Variants in WDR62 observed in about 807,000 individuals in gnomAD.
The protein encoded by WDR62 is WD repeat-containing protein 62.
In WDR62, 112 loss-of-function variants were observed where a neutral mutation model predicts 160.6. That is an observed-to-expected ratio of 0.70 (90% CI 0.60 to 0.82). The LOEUF (loss-of-function observed/expected upper bound fraction) is 0.82, where lower values mean the gene tolerates loss of function less well. Among genes scored for constraint, WDR62 ranks in the 40% least tolerant of loss-of-function variants. The pLI is 0.00. For synonymous variants in WDR62, 792 were observed against 815.1 expected (o/e 0.97, Z 0.48); for missense variants, 1,819 against 1,983.8 (o/e 0.92, Z 1.58).
chr19:36,083,091 A>T lies in WDR62; in HGVS notation c.1400A>T (p.Asn467Ile). 6.2e-7 allele frequency: 1 copy of T among 1,613,388 alleles called. No homozygotes were observed. Among genetic ancestry groups the T allele is most frequent in the Non-Finnish European group, 8.5e-7 (1 of 1,179,702 alleles). Residue 467 changes from asparagine to isoleucine, a missense_variant, in exon 11 of 32, where the codon AAT becomes ATT. By Grantham distance (149) the Asn-to-Ile change is moderately radical (BLOSUM62 -3). Coordinates refer to ENST00000401500, the MANE Select transcript of WDR62 (RefSeq NM_001083961.2). ...NTLLKVVYVE[N>I]DIQHLQDMSH... ...CTGCTGAAGGTCGTGTACGTGGAGAATGACATCCAGCACCTGCAGGACATG... is the reference window on the plus strand; with the variant it reads ...CTGCTGAAGGTCGTGTACGTGGAGATTGACATCCAGCACCTGCAGGACATG...
intron 3 of WDR62, chr19:36,060,889 G>A (rs564245431): frequency 6.6e-6 from 1 of 152,368 alleles, no homozygotes; most frequent in East Asian, 1.9e-4. Flanking sequence ...CTAAGAGAAA[G>A]ACTTAACATG....
At chr19:36,059,071 T>C (rs1166623939) in intron 2 of WDR62, 200 bp downstream of exon 2, 1 of 704,296 alleles carries the variant, frequency 1.4e-6, no homozygotes, top group Admixed American at 2.0e-5. Context: ...GTGAGTGCAA[T>C]GAAAGCCTTT....
At chr19:36,078,152 G>GTTT (rs60096728) in intron 9 of WDR62, among the ~76,000 whole-genome samples, 12 of 138,250 alleles carry the variant, frequency 8.7e-5, no homozygotes, top group African/African-American at 2.6e-4. Context: ...AAGTTTTTTT[G>GTTT]TTTTTTTTTT....
rs756660276 is a variant in WDR62, at chr19:36,104,627, G to GGTGGT, written c.4263_4264insGTGGT (p.His1422ValfsTer117). The GGTGGT allele has an allele frequency of 3.7e-6, 6 of 1,614,076 alleles. No individual in the cohort carries two copies. The highest frequency in any genetic ancestry group is 4.2e-6 in the Non-Finnish European group (5 of 1,180,030). ...AGCTGAGCAGGGTGGGGAACATCTT[G>GGTGGT]CACAGGCTGCAGACCACCTTCCAAG... On this transcript the variant is annotated frameshift_variant, in exon 31 of 32. Coordinates refer to ENST00000401500, the MANE Select transcript of WDR62 (RefSeq NM_001083961.2). LOFTEE classifies it low-confidence loss of function (END_TRUNC).
intron 18 of WDR62, among the ~76,000 whole-genome samples, chr19:36,092,179 C>T (rs1708424336): frequency 6.6e-6 from 1 of 151,682 alleles, no homozygotes; most frequent in Admixed American, 6.6e-5. Context: ...TGCGTGGTGG[C>T]AGGCGCCTGT....
At position 36,102,156 on chromosome 19, in the gene WDR62, G is replaced by A; in HGVS notation, c.3220+5G>A. On this transcript the variant is annotated splice_donor_5th_base_variant and intron_variant, in intron 26 of 31. Transcript: ENST00000401500. ...TGACTGAGTCCCCCTGCAGAGGTAG[G>A]GCCCTGCCTCACCCACACCTGCCGA... The A allele has an allele frequency of 6.2e-7, 1 of 1,613,732 alleles. No homozygotes were observed. Among genetic ancestry groups the A allele is most frequent in the Non-Finnish European group, 8.5e-7 (1 of 1,180,024 alleles).
chr19:36,097,120 G>A, intron 21 of WDR62, 41 bp downstream of exon 21: 1 of 1,598,258 alleles, frequency 6.3e-7, no homozygotes, highest in Non-Finnish European at 8.6e-7. Flanking sequence ...GCTGGCAGAG[G>A]AAACGCCTCC....
intron 9 of WDR62, among the ~76,000 whole-genome samples, chr19:36,080,820 A>G (rs1421473968): frequency 6.6e-6 from 1 of 152,152 alleles, no homozygotes; most frequent in Non-Finnish European, 1.5e-5. Flanking sequence ...CTGCTTGGTT[A>G]ATCTTTATAA....
chr19:36,106,453 G>A (rs1973714970), downstream of WDR62, among the ~76,000 whole-genome samples: 1 of 152,060 alleles, frequency 6.6e-6, no homozygotes. Flanking sequence ...CTGCCCTCAT[G>A]GCCACTCACC....
At chr19:36,090,089 TC>T (rs752755496) in intron 15 of WDR62, among the ~76,000 whole-genome samples, 1 of 152,100 alleles carries the variant, frequency 6.6e-6, no homozygotes, top group Non-Finnish European at 1.5e-5. Flanking sequence ...AAGCAGGACT[TC>T]CTGGAGGAAG....
chr19:36,097,930 A>G (rs1375658951), intron 21 of WDR62, among the ~76,000 whole-genome samples: 1 of 152,204 alleles, frequency 6.6e-6, no homozygotes, highest in African/African-American at 2.4e-5. Flanking sequence ...GGGGGGTGTC[A>G]GTTTTAAGTA....
Position 36,099,366 on chromosome 19 carries a change from A to G in WDR62, c.2521-33A>G, listed in dbSNP as rs773546761. 5 of 1,596,882 alleles carry G rather than the reference A, an allele frequency of 3.1e-6. No individual in the cohort carries two copies. The African/African-American group carries it at 5.4e-5, about 17-fold the overall frequency. On this transcript the variant is annotated intron_variant, in intron 21 of 31. Transcript: ENST00000401500. ...CGCTCCCTGCAGTGAGTGAGCACTC[A>G]GCCAGTTGCCTGACTGTCCGATATC...
downstream of WDR62, among the ~76,000 whole-genome samples, chr19:36,105,604 C>T (rs1973694893): frequency 6.6e-6 from 1 of 152,204 alleles, no homozygotes; most frequent in African/African-American, 2.4e-5. Flanking sequence ...CCCGGCTACT[C>T]AGGAGGCTGA....
chr19:36,089,218 C>A lies in WDR62; in HGVS notation c.1870C>A (p.His624Asn). The change falls in exon 15 of 32, where the codon CAC becomes AAC. Residue 624 changes from histidine to asparagine, a missense_variant. His to Asn is a moderately conservative substitution (Grantham distance 68). This residue lies in a region of WDR62 where 934 missense variants were observed against 1,157.2 expected (regional missense o/e 0.81). Coordinates refer to ENST00000401500, the MANE Select transcript of WDR62 (RefSeq NM_001083961.2). ...TGGACTACACTTTGTCCGTACCCACCACGTAGCAGAGAAAACCACCTTGTA... is the reference window on the plus strand; with the variant it reads ...TGGACTACACTTTGTCCGTACCCACAACGTAGCAGAGAAAACCACCTTGTA... Reference protein sequence around the residue: ...SDGLHFVRTHHVAEKTTLYDM... With the variant: ...SDGLHFVRTHNVAEKTTLYDM... 1 of 1,614,244 alleles carries A rather than the reference C, an allele frequency of 6.2e-7. No individual in the cohort carries two copies. Among genetic ancestry groups the A allele is most frequent in the Non-Finnish European group, 8.5e-7 (1 of 1,180,046 alleles).
chr19:36,099,704 G>C, intron 22 of WDR62, 87 bp downstream of exon 22: 2 of 1,322,584 alleles, frequency 1.5e-6, no homozygotes, highest in Non-Finnish European at 2.1e-6. Flanking sequence ...CCCACTCCAT[G>C]GGGGCAGGGA....
Position 36,068,984 on chromosome 19 carries a change from G to A in WDR62, c.882+974G>A, listed in dbSNP as rs1465658753. 9.3e-5 allele frequency among the ~76,000 whole-genome samples: 14 copies of A among 151,230 alleles called. No individual in the cohort carries two copies. The East Asian group carries it at 1.8e-3, about 19-fold the overall frequency. On this transcript the variant is annotated intron_variant, in intron 7 of 31. Transcript: ENST00000401500. ...GACGGGGCGGCGGCAGGGCGGAGGC[G>A]GACCCCCACCTCCCTCCCTGACGGG...
chr19:36,086,179 C>T (rs1045603052), intron 12 of WDR62, among the ~76,000 whole-genome samples: 2 of 152,110 alleles, frequency 1.3e-5, no homozygotes, highest in Non-Finnish European at 2.9e-5. Flanking sequence ...CCTGATCTCC[C>T]CTCTGCCTCA....
chr19:36,092,708 C>T lies in WDR62; in HGVS notation c.2230C>T (p.Leu744=), dbSNP rs1210301804. The T allele has an allele frequency of 1.2e-6, 2 of 1,614,196 alleles. No individual in the cohort carries two copies. The highest frequency in any genetic ancestry group is 1.7e-6 in the Non-Finnish European group (2 of 1,180,008). Residue 744 remains leucine, a synonymous_variant, in exon 19 of 32, where the codon CTG becomes TTG. Transcript: ENST00000401500. ...SGDSCVFIWH[L]GPEITNCMKQ... is the part of the protein sequence containing the mutation. ...CCGCAGCTGCGTGTTCATCTGGCAC[C>T]TGGGCCCGGAGATCACCAACTGCAT...
Position 36,103,679 on chromosome 19 carries a change from C to T in WDR62, c.3851C>T (p.Ala1284Val). 1.9e-6 allele frequency: 3 copies of T among 1,610,296 alleles called. No individual in the cohort carries two copies. Among genetic ancestry groups the T allele is most frequent in the Non-Finnish European group, 2.5e-6 (3 of 1,180,004 alleles). ...PSLDSEGQEP[A>V]LRSWGNHEAR... Reference sequence around the variant, plus strand: ...TTGGACAGTGAGGGCCAAGAGCCTGCCCTGCGTTCCTGGGGCAACCACGAG... The same window carrying T: ...TTGGACAGTGAGGGCCAAGAGCCTGTCCTGCGTTCCTGGGGCAACCACGAG... The change falls in exon 30 of 32, where the codon GCC (alanine) becomes GTC (valine). Residue 1284 changes from alanine (A) to valine (V), a missense_variant. Ala to Val is a moderately conservative substitution (Grantham distance 64). Transcript: ENST00000401500.
Sources: gnomAD v4.1 joint callset for allele counts (sites outside exome capture counted in the v4.1 genomes callset) on GRCh38, gnomAD v4.1.1 for gene constraint, gnomAD v4.1.1 regional missense constraint, MANE v1.5 for transcripts, NCBI Gene and HGNC (gene_info 2026-07-23, HGNC 2026-07-21) for gene names.